The following ARHGEF37 variants were observed in gnomAD, a reference collection of about 807,000 sequenced individuals.
The protein encoded by ARHGEF37 is Rho guanine nucleotide exchange factor 37.
A neutral mutation model predicts 71.1 loss-of-function variants in ARHGEF37; 55 were observed. That is an observed-to-expected ratio of 0.77 (90% confidence interval 0.62 to 0.97). ARHGEF37 has a LOEUF of 0.97. Among genes scored for constraint, ARHGEF37 ranks in the 50% least tolerant of loss-of-function variants. The probability of loss-of-function intolerance (pLI) is 0.00; values close to 1 mark genes in which losing one functional copy is unlikely to be tolerated. For missense variants in ARHGEF37, 765 were observed against 836.8 expected, an observed-to-expected ratio of 0.91 and a Z score of 1.06; for synonymous variants, 327 against 350.6, an observed-to-expected ratio of 0.93 and a Z score of 0.75.
At chr5:149,597,559 T>C (rs905509747) in intron 1 of ARHGEF37, among the ~76,000 whole-genome samples, 200 bp from the exon 2 acceptor site, 3 of 152,174 alleles carry the variant, frequency 2.0e-5, no homozygotes, top group Non-Finnish European at 4.4e-5. Context: ...ACCTAAAATG[T>C]CAAGAGTTAT....
At position 149,609,710 on chromosome 5, in the gene ARHGEF37, C is replaced by A; in HGVS notation, c.458+15C>A. 6.2e-7 allele frequency: 1 copy of A among 1,612,084 alleles called. No individual in the cohort carries two copies. The highest frequency in any genetic ancestry group is 8.5e-7 in the Non-Finnish European group (1 of 1,179,952). ...GAGGCGGTGGTGTGAGTAGAACGGC[C>A]AGTGAGCACTCGCTCCTACCCCACT... On this transcript the variant is annotated intron_variant, in intron 4 of 12. Transcript: ENST00000333677.
intron 5 of ARHGEF37, 147 bp from the exon 6 acceptor site, chr5:149,618,029 T>G: frequency 2.5e-6 from 3 of 1,181,012 alleles, no homozygotes; most frequent in Non-Finnish European, 3.6e-6. Context: ...GAGGACCCTA[T>G]GCTTTTCCTG....
intron 4 of ARHGEF37, among the ~76,000 whole-genome samples, chr5:149,612,966 A>C (rs2113351113): frequency 6.6e-6 from 1 of 152,290 alleles, no homozygotes; most frequent in Admixed American, 6.5e-5. Flanking sequence ...GAATAAAAAA[A>C]CTCACCTTTG....
chr5:149,584,134 T>A (rs1410809795), intron 1 of ARHGEF37, among the ~76,000 whole-genome samples: 1 of 152,176 alleles, frequency 6.6e-6, no homozygotes, highest in Non-Finnish European at 1.5e-5. Flanking sequence ...TTTAAATCTA[T>A]GGATCCAAAC....
chr5:149,619,894 A>C (rs1235507773), intron 7 of ARHGEF37, among the ~76,000 whole-genome samples: 1 of 152,084 alleles, frequency 6.6e-6, no homozygotes, highest in Non-Finnish European at 1.5e-5. Flanking sequence ...ACATGGTGAA[A>C]CCTTGTGTCT....
intron 4 of ARHGEF37, among the ~76,000 whole-genome samples, chr5:149,615,613 C>T (rs892429948): frequency 1.3e-5 from 2 of 151,800 alleles, no homozygotes; most frequent in East Asian, 1.9e-4. Flanking sequence ...TTTTTTTGGT[C>T]GGGTGTGGTG....
intron 2 of ARHGEF37, among the ~76,000 whole-genome samples, chr5:149,598,180 T>C (rs1763608014): frequency 6.6e-6 from 1 of 152,178 alleles, no homozygotes; most frequent in Non-Finnish European, 1.5e-5. Flanking sequence ...CTTGGCTAAC[T>C]GGTGAGCGGA....
chr5:149,605,588 C>A (rs897580581), intron 3 of ARHGEF37, among the ~76,000 whole-genome samples: 2 of 152,130 alleles, frequency 1.3e-5, no homozygotes, highest in African/African-American at 4.8e-5. Context: ...ACTAACAAGT[C>A]CCTGCCACCC....
chr5:149,628,815 G>A lies in ARHGEF37; in HGVS notation c.1667G>A (p.Arg556His), dbSNP rs779590644. Residue 556 changes from arginine to histidine, a missense_variant, in exon 12 of 13, where the codon CGT becomes CAT. Coordinates refer to ENST00000333677, the MANE Select transcript of ARHGEF37 (RefSeq NM_001001669.3). ...GRWLVDTGGH[R>H]GYVPAGKLQL... ...CCTTCTGCATGCTCCCTAGGACATC[G>A]TGGGTATGTGCCGGCTGGGAAACTA... 56 of 1,612,830 alleles carry A rather than the reference G, an allele frequency of 3.5e-5. No individual in the cohort carries two copies. Among genetic ancestry groups the A allele is most frequent in the South Asian group, 9.9e-5 (9 of 90,728 alleles).
rs755615666 is a variant in ARHGEF37 at position 149,621,940 on chromosome 5, G to A, written c.1213G>A (p.Glu405Lys). The change falls in exon 9 of 13, where the codon GAG becomes AAG. Residue 405 changes from glutamate to lysine, a missense_variant. Glu to Lys is a moderately conservative substitution (Grantham distance 56). Transcript: ENST00000333677. ...YQALNSLLVA[E>K]LPQFNQLVMQ... Reference sequence around the variant, plus strand: ...GGCACTCAACTCGCTGCTAGTGGCTGAGCTCCCACAGTTTAACCAGCTGGT... The same window carrying A: ...GGCACTCAACTCGCTGCTAGTGGCTAAGCTCCCACAGTTTAACCAGCTGGT... 2 of 1,614,254 alleles carry A rather than the reference G, an allele frequency of 1.2e-6. No homozygotes were observed. Among genetic ancestry groups the A allele is most frequent in the Non-Finnish European group, 1.7e-6 (2 of 1,180,048 alleles).
Position 149,628,595 on chromosome 5 carries a change from C to T in ARHGEF37, c.1661-214C>T, listed in dbSNP as rs550070801. 6.6e-5 allele frequency among the ~76,000 whole-genome samples: 10 copies of T among 152,254 alleles called. 1 individual carries two copies. Among genetic ancestry groups the T allele is most frequent in the South Asian group, 4.1e-4 (2 of 4,820 alleles). ...AGCTGATCAAAGGGAGTCGTCTGTC[C>T]GGTAGGGAATGAGCCCCCCATCACT... On this transcript the variant is annotated intron_variant, in intron 11 of 12. Transcript: ENST00000333677.
chr5:149,598,087 C>A, intron 2 of ARHGEF37, 132 bp downstream of exon 2: 2 of 1,104,514 alleles, frequency 1.8e-6, no homozygotes, highest in Non-Finnish European at 2.5e-6. Flanking sequence ...TCTGACAGAC[C>A]TGGATGTAAG....
At chr5:149,629,947 C>T (rs57459308) in intron 12 of ARHGEF37, among the ~76,000 whole-genome samples, 5,093 of 151,912 alleles carry the variant, frequency 0.034, 314 homozygotes, top group African/African-American at 0.11. Context: ...ATGCAAAAGG[C>T]CACATAGGAT....
chr5:149,565,829 A>ATTTTTTTTTTTTTTT lies in ARHGEF37; in HGVS notation c.-12+13727_-12+13741dup, dbSNP rs201683478. ...TAGCTTTGTAATGTCAGAAACTCTA[A>ATTTTTTTTTTTTTTT]TTTTTTTTTTTTTTTTTTTTTTTTT... On this transcript the variant is annotated intron_variant, in intron 1 of 2. Transcript: ENST00000505810. Among the ~76,000 whole-genome samples the ATTTTTTTTTTTTTTT allele has an allele frequency of 1.1e-3, 97 of 84,542 alleles. 13 individuals carry two copies. The highest frequency in any genetic ancestry group is 1.8e-3 in the Non-Finnish European group (66 of 37,422). The allele number at this position is 84,542 out of a possible 152,430, so 55.5% of individuals were successfully genotyped here.
rs1322766484 is a variant in ARHGEF37 at position 149,598,338 on chromosome 5, CCT to C, written c.186+386_186+387del. On this transcript the variant is annotated intron_variant, in intron 2 of 12. Coordinates refer to ENST00000333677, the MANE Select transcript of ARHGEF37 (RefSeq NM_001001669.3). ...CTTCTTCTTCTTCTTTCTTCCTCTTCCTCTTCCTCTTCTTCTTCCTCTTCCTC... is the reference window on the plus strand; with the variant it reads ...CTTCTTCTTCTTCTTTCTTCCTCTTCCTTCCTCTTCTTCTTCCTCTTCCTC... Among the ~76,000 whole-genome samples, 81 of 95,488 alleles carry C rather than the reference CCT, an allele frequency of 8.5e-4. 1 individual carries two copies. Among genetic ancestry groups the C allele is most frequent in the African/African-American group, 2.9e-3 (76 of 26,180 alleles). The allele number at this position is 95,488 out of a possible 152,430, so 62.6% of individuals were successfully genotyped here. A position where few individuals can be genotyped will look rare whatever the true frequency, so the allele number is the denominator to read the frequency against.
intron 1 of ARHGEF37, among the ~76,000 whole-genome samples, chr5:149,558,717 GTGTGTGTGTGTGTGTGTGTGTATA>G (rs1245501470): frequency 7.4e-6 from 1 of 135,206 alleles, no homozygotes; most frequent in East Asian, 2.1e-4. Context: ...GTGTGTGTGT[GTGTGTGTGTGTGTGTGTGTGTATA>G]TATATTTTTA....
chr5:149,615,791 C>T (rs1317980120), intron 4 of ARHGEF37, among the ~76,000 whole-genome samples: 10 of 152,092 alleles, frequency 6.6e-5, no homozygotes, highest in African/African-American at 2.2e-4. Flanking sequence ...ACTCGGGAGG[C>T]TGAGGCAGGA....
chr5:149,588,646 C>T (rs1304407753), intron 1 of ARHGEF37, among the ~76,000 whole-genome samples: 2 of 152,174 alleles, frequency 1.3e-5, no homozygotes, highest in African/African-American at 4.8e-5. Context: ...CTGAGCTTCA[C>T]CTTTGACAGC....
At position 149,582,487 on chromosome 5, in the gene ARHGEF37, G is replaced by T. The variant is rs185727901; in HGVS notation, c.-12+863G>T. ...GGCCTAGTTTTATGTGTAGACGGGG[G>T]ATGAGAGTGTCTGCTTCATCCTCCA... On this transcript the variant is annotated intron_variant, in intron 1 of 12. Coordinates refer to ENST00000333677, the MANE Select transcript of ARHGEF37 (RefSeq NM_001001669.3). Among the ~76,000 whole-genome samples the T allele has an allele frequency of 5.2e-3, 799 of 152,304 alleles. 7 individuals carry two copies. The highest frequency in any genetic ancestry group is 0.019 in the African/African-American group (778 of 41,564).
Sources: allele counts gnomAD v4.1 joint callset (sites outside exome capture counted in the v4.1 genomes callset), GRCh38; gene constraint gnomAD v4.1.1; transcripts MANE v1.5; gene names NCBI Gene and HGNC (gene_info 2026-07-23, HGNC 2026-07-21).